ARHGAP42: variants seen among roughly 807,000 people sequenced by gnomAD.
ARHGAP42 encodes the protein Rho GTPase activating protein 42.
A neutral mutation model predicts 125.0 loss-of-function variants in ARHGAP42; 63 were observed. The observed-to-expected ratio is 0.50, with a 90% CI of 0.41 to 0.62. The LOEUF is 0.62. Among genes scored for constraint, ARHGAP42 ranks in the 20% least tolerant of loss-of-function variants. The pLI is 0.00. For missense variants in ARHGAP42, 766 were observed against 1,024.2 expected, an observed-to-expected ratio of 0.75 and a Z score of 3.44; for synonymous variants, 339 against 351.0, an observed-to-expected ratio of 0.97 and a Z score of 0.38.
At chr11:100,798,259 T>G (rs1486145835) in intron 3 of ARHGAP42, among the ~76,000 whole-genome samples, 2 of 152,212 alleles carry the variant, frequency 1.3e-5, no homozygotes, top group African/African-American at 4.8e-5. Context: ...AAGATAGACT[T>G]CAATTTTGAA....
chr11:100,942,362 T>A (rs185214797), intron 9 of ARHGAP42, among the ~76,000 whole-genome samples: 24 of 152,140 alleles, frequency 1.6e-4, no homozygotes, highest in Non-Finnish European at 1.5e-5. Context: ...AAGAACCCAA[T>A]AGATGCTCAT....
intron 1 of ARHGAP42, among the ~76,000 whole-genome samples, chr11:100,713,275 T>G (rs1204578121): frequency 6.6e-6 from 1 of 152,216 alleles, no homozygotes; most frequent in African/African-American, 2.4e-5. Flanking sequence ...TAGGAAAATA[T>G]GTCCTTATTG....
At chr11:100,960,868 C>T in intron 13 of ARHGAP42, 47 bp from the exon 14 acceptor site, 1 of 1,292,934 alleles carries the variant, frequency 7.7e-7, no homozygotes, top group South Asian at 1.6e-5. Context: ...TCTGTACTTG[C>T]CAAGCTGTAT....
At chr11:100,847,174 G>T (rs934992314) in intron 3 of ARHGAP42, among the ~76,000 whole-genome samples, 5 of 152,154 alleles carry the variant, frequency 3.3e-5, no homozygotes, top group African/African-American at 1.2e-4. Context: ...CCAAGGCAAA[G>T]GCCTCGATCC....
chr11:100,946,527 A>G (rs1868023590), intron 10 of ARHGAP42, among the ~76,000 whole-genome samples: 1 of 152,012 alleles, frequency 6.6e-6, no homozygotes, highest in Non-Finnish European at 1.5e-5. Context: ...TTTCCCTTGA[A>G]CACTTAGAGG....
chr11:100,752,147 C>T (rs1414059179), intron 1 of ARHGAP42, among the ~76,000 whole-genome samples: 1 of 152,106 alleles, frequency 6.6e-6, no homozygotes. Flanking sequence ...GTGACTGTGC[C>T]TCTCGTGCAA....
chr11:100,930,154 G>A (rs1372170725), intron 6 of ARHGAP42, among the ~76,000 whole-genome samples: 2 of 152,262 alleles, frequency 1.3e-5, no homozygotes, highest in African/African-American at 2.4e-5. Flanking sequence ...TTATTTTAAA[G>A]GTCAAATTTA....
chr11:100,959,525 A>C (rs1857901022), intron 12 of ARHGAP42, among the ~76,000 whole-genome samples: 1 of 152,084 alleles, frequency 6.6e-6, no homozygotes, highest in Non-Finnish European at 1.5e-5. Flanking sequence ...GATATGTGAA[A>C]GGCTTTATAA....
At chr11:100,727,990 G>A (rs1861890177) in intron 1 of ARHGAP42, among the ~76,000 whole-genome samples, 1 of 152,108 alleles carries the variant, frequency 6.6e-6, no homozygotes, top group African/African-American at 2.4e-5. Context: ...TGCTAAACCT[G>A]GTTGGTATCG....
intron 1 of ARHGAP42, among the ~76,000 whole-genome samples, chr11:100,750,388 A>G (rs1393125532): frequency 1.3e-5 from 2 of 150,618 alleles, no homozygotes; most frequent in African/African-American, 2.5e-5. Context: ...TAATTTAAAG[A>G]GAGTGACGGG....
At chr11:100,941,247 G>C (rs1867877014) in intron 8 of ARHGAP42, among the ~76,000 whole-genome samples, 1 of 152,142 alleles carries the variant, frequency 6.6e-6, no homozygotes, top group East Asian at 1.9e-4. Context: ...GAAAGCAGTG[G>C]GATGTGAGAT....
chr11:100,974,631 C>CTT (rs1565302659), intron 19 of ARHGAP42, 28 bp downstream of exon 19: 1 of 1,527,566 alleles, frequency 6.5e-7, no homozygotes, highest in Non-Finnish European at 8.8e-7. Context: ...TAGGGAGATG[C>CTT]TTTCTTCATT....
At chr11:100,739,332 T>C (rs1488030729) in intron 1 of ARHGAP42, among the ~76,000 whole-genome samples, 3 of 152,136 alleles carry the variant, frequency 2.0e-5, no homozygotes, top group African/African-American at 7.2e-5. Context: ...TTAAACAATC[T>C]TGTTTTAACC....
chr11:100,853,605 G>A (rs1444988643), intron 3 of ARHGAP42, among the ~76,000 whole-genome samples: 1 of 152,006 alleles, frequency 6.6e-6, no homozygotes, highest in African/African-American at 2.4e-5. Flanking sequence ...TGGATTATAT[G>A]AAATTTTACA....
intron 3 of ARHGAP42, among the ~76,000 whole-genome samples, chr11:100,819,644 G>A (rs11224467): frequency 0.051 from 7,725 of 152,106 alleles, 253 homozygotes; most frequent in East Asian, 0.18. Flanking sequence ...AGTGATAGGA[G>A]GATAATAATA....
In ARHGAP42 at chr11:100,976,159, G is replaced by T. The variant is rs1355062748; in HGVS notation, c.1958G>T (p.Cys653Phe). 5 of 1,551,644 alleles carry T rather than the reference G, an allele frequency of 3.2e-6. No homozygotes were observed. The highest frequency in any genetic ancestry group is 4.4e-6 in the Non-Finnish European group (5 of 1,146,890). The change falls in exon 20 of 24, where the codon TGC becomes TTC. Residue 653 changes from cysteine to phenylalanine, a missense_variant. Transcript: ENST00000298815. ...AATAGCACTACAAAGTCAGCTTCCT[G>T]CCAGCCCAGGGAGAAATCTGGAGGG... is the stretch of plus-strand genomic sequence containing the variant. ...EQNSTTKSAS[C>F]QPREKSGGIP...
At chr11:100,932,218 G>A (rs1190341605) in intron 6 of ARHGAP42, among the ~76,000 whole-genome samples, 6 of 152,166 alleles carry the variant, frequency 3.9e-5, no homozygotes, top group African/African-American at 1.2e-4. Flanking sequence ...AGAGAAGGTG[G>A]CTGCGTGTTA....
At chr11:100,751,678 C>G (rs1230908450) in intron 1 of ARHGAP42, among the ~76,000 whole-genome samples, 1 of 151,568 alleles carries the variant, frequency 6.6e-6, no homozygotes, top group African/African-American at 2.4e-5. Context: ...CAAGGGGGAG[C>G]CACCTCAGCT....
At chr11:100,749,868 G>C (rs928649090) in intron 1 of ARHGAP42, among the ~76,000 whole-genome samples, 1 of 152,102 alleles carries the variant, frequency 6.6e-6, no homozygotes, top group Non-Finnish European at 1.5e-5. Context: ...GTACTTTACC[G>C]GCTCCCGCAG....
Sources: allele counts gnomAD v4.1 joint callset (sites outside exome capture counted in the v4.1 genomes callset), GRCh38; gene constraint gnomAD v4.1.1; transcripts MANE v1.5; gene names NCBI Gene and HGNC (gene_info 2026-07-23, HGNC 2026-07-21).